The following SUPT3H variants were observed in gnomAD, a reference collection of about 807,000 sequenced individuals.
SUPT3H encodes the protein SPT3 homolog, SAGA and STAGA complex component.
A neutral mutation model predicts 44.3 loss-of-function variants in SUPT3H; 44 were observed. The ratio of observed to expected loss-of-function variants is 0.99; its 90% confidence interval spans 0.78 to 1.28. The LOEUF (loss-of-function observed/expected upper bound fraction) is 1.28. SUPT3H is among the 50% of genes most tolerant of loss of function. The probability of loss-of-function intolerance (pLI) is 0.00; values close to 1 mark genes in which losing one functional copy is unlikely to be tolerated. For missense variants in SUPT3H, 380 were observed against 387.1 expected, an observed-to-expected ratio of 0.98 and a Z score of 0.15; for synonymous variants, 124 against 125.6, an observed-to-expected ratio of 0.99 and a Z score of 0.09.
At chr6:44,997,672 G>A (rs1363427754) in intron 6 of SUPT3H, among the ~76,000 whole-genome samples, 1 of 151,828 alleles carries the variant, frequency 6.6e-6, no homozygotes, top group Non-Finnish European at 1.5e-5. Flanking sequence ...GCACTGCCTA[G>A]TGCTCCTTGA....
chr6:45,313,820 C>T (rs1784326282), intron 2 of SUPT3H, among the ~76,000 whole-genome samples: 1 of 151,982 alleles, frequency 6.6e-6, no homozygotes, highest in African/African-American at 2.4e-5. Flanking sequence ...AATAACAAAA[C>T]CAGGGAAGGA....
chr6:45,008,137 A>G (rs1187325359), intron 5 of SUPT3H, among the ~76,000 whole-genome samples: 1 of 151,966 alleles, frequency 6.6e-6, no homozygotes, highest in Non-Finnish European at 1.5e-5. Context: ...TGCTGCTAAC[A>G]CTCATGTACA....
At position 45,346,320 on chromosome 6, in the gene SUPT3H, A is replaced by G. The variant is rs1224357972; in HGVS notation, c.101+18881T>C. Among the ~76,000 whole-genome samples, 39 of 152,110 alleles carry G rather than the reference A, an allele frequency of 2.6e-4. 1 individual carries two copies. Among genetic ancestry groups the G allele is most frequent in the Non-Finnish European group, 4.4e-5 (3 of 68,014 alleles). On this transcript the variant is annotated intron_variant, in intron 2 of 10. Coordinates refer to ENST00000371459, the MANE Select transcript of SUPT3H (RefSeq NM_003599.4). ...ATGCTATGAGAAAGCCCAATAAATA[A>G]AATAGATTTTTAAAGGAGTCTACAG...
chr6:45,307,658 A>G lies in SUPT3H; in HGVS notation c.101+57543T>C, dbSNP rs1269357052. Among the ~76,000 whole-genome samples the G allele has an allele frequency of 2.6e-5, 4 of 152,222 alleles. No individual in the cohort carries two copies. In the South Asian group the frequency reaches 6.2e-4, roughly 24 times the overall value. On this transcript the variant is annotated intron_variant, in intron 2 of 10. Coordinates refer to ENST00000371459, the MANE Select transcript of SUPT3H (RefSeq NM_003599.4). ...AAGACCAAAGGTAGATAAAAAAGAC[A>G]AAGATGGGGAAAAAGCAGAACAGAA...
chr6:45,360,942 G>C (rs1581898755), intron 2 of SUPT3H, among the ~76,000 whole-genome samples: 1 of 152,072 alleles, frequency 6.6e-6, no homozygotes. Context: ...TATGCCTCTT[G>C]AAGGCATTCA....
chr6:45,372,668 T>A (rs997985259), intron 1 of SUPT3H, among the ~76,000 whole-genome samples: 1 of 152,124 alleles, frequency 6.6e-6, no homozygotes, highest in African/African-American at 2.4e-5. Flanking sequence ...AGAGTACTAT[T>A]TTCTTTTTGA....
chr6:44,989,609 TC>T (rs1383762426), intron 6 of SUPT3H, among the ~76,000 whole-genome samples: 5 of 152,112 alleles, frequency 3.3e-5, no homozygotes, highest in Non-Finnish European at 5.9e-5. Flanking sequence ...GTACCAAACT[TC>T]CTTTCCCACA....
intron 2 of SUPT3H, among the ~76,000 whole-genome samples, chr6:45,307,224 C>A (rs1783175987): frequency 6.6e-6 from 1 of 152,224 alleles, no homozygotes; most frequent in Non-Finnish European, 1.5e-5. Flanking sequence ...GCAGCAGAAA[C>A]CTCTGCAGAC....
rs190416418 is a variant in SUPT3H at position 44,933,389 on chromosome 6, C to T, written c.802-626G>A. ...ATACAAAAAAGATAAGGATTATTTG[C>T]GATGAGAGTGTGAATACAAACTTAA... On this transcript the variant is annotated intron_variant, in intron 9 of 10. Transcript: ENST00000371459. Among the ~76,000 whole-genome samples the T allele has an allele frequency of 8.5e-5, 13 of 152,106 alleles. No individual in the cohort carries two copies. In the East Asian group the frequency reaches 2.5e-3, roughly 29 times the overall value.
intron 2 of SUPT3H, among the ~76,000 whole-genome samples, chr6:45,272,712 T>A (rs534512071): frequency 5.8e-4 from 88 of 152,306 alleles, no homozygotes; most frequent in African/African-American, 1.9e-3. Context: ...AGGAGTACCG[T>A]CCTGGTGGAG....
chr6:45,094,342 G>A lies in SUPT3H; in HGVS notation c.186+11580C>T, dbSNP rs1466699711. Reference sequence around the variant, plus strand: ...GCAAGAAAAGAAACACAAATTGAAAGGTGAGAAGATGCTATTTTATATCTA... The same window carrying A: ...GCAAGAAAAGAAACACAAATTGAAAAGTGAGAAGATGCTATTTTATATCTA... On this transcript the variant is annotated intron_variant, in intron 3 of 10. Coordinates refer to ENST00000371459, the MANE Select transcript of SUPT3H (RefSeq NM_003599.4). Among the ~76,000 whole-genome samples, 4 of 152,004 alleles carry A rather than the reference G, an allele frequency of 2.6e-5. No homozygotes were observed. The East Asian group carries it at 7.7e-4, about 29-fold the overall frequency.
At chr6:45,101,029 C>A (rs1436427646) in intron 3 of SUPT3H, among the ~76,000 whole-genome samples, 2 of 152,166 alleles carry the variant, frequency 1.3e-5, no homozygotes, top group Non-Finnish European at 2.9e-5. Flanking sequence ...GAAGGGAATT[C>A]TGTCATTTGT....
At chr6:45,311,563 A>G (rs1783951625) in intron 2 of SUPT3H, among the ~76,000 whole-genome samples, 1 of 152,196 alleles carries the variant, frequency 6.6e-6, no homozygotes. Context: ...GCTGTTAGAC[A>G]AAAGTACCAG....
chr6:45,039,844 G>GC (rs1171548730), intron 3 of SUPT3H, among the ~76,000 whole-genome samples: 31 of 14,204 alleles, frequency 2.2e-3, no homozygotes, highest in African/African-American at 0.014. Context: ...CCTAATCACA[G>GC]CAAAAAAAAA....
intron 2 of SUPT3H, among the ~76,000 whole-genome samples, chr6:45,236,261 C>T (rs1430435998): frequency 6.6e-6 from 1 of 152,094 alleles, no homozygotes; most frequent in Non-Finnish European, 1.5e-5. Flanking sequence ...GGGGCTCAAA[C>T]CCAGGTCGAA....
At chr6:45,168,777 A>G (rs1810325378) in intron 2 of SUPT3H, among the ~76,000 whole-genome samples, 2 of 152,208 alleles carry the variant, frequency 1.3e-5, no homozygotes, top group Non-Finnish European at 2.9e-5. Context: ...CGCACCTGGC[A>G]TAGTATGGGA....
chr6:45,366,084 A>G (rs943447378), intron 1 of SUPT3H, among the ~76,000 whole-genome samples: 1 of 152,200 alleles, frequency 6.6e-6, no homozygotes, highest in Non-Finnish European at 1.5e-5. Context: ...ACCCTCATCT[A>G]TTACACTATT....
chr6:45,268,079 C>T (rs983001427), intron 2 of SUPT3H, among the ~76,000 whole-genome samples: 26 of 152,060 alleles, frequency 1.7e-4, no homozygotes, highest in African/African-American at 6.3e-4. Context: ...GAATGAAAGG[C>T]CTTGATATTC....
intron 10 of SUPT3H, among the ~76,000 whole-genome samples, chr6:44,870,765 G>T (rs581852): frequency 6.7e-6 from 1 of 148,910 alleles, no homozygotes; most frequent in Non-Finnish European, 1.5e-5. Context: ...GAGTGCCAGA[G>T]AGTGGGCGCA....
Sources: gnomAD v4.1 joint callset for allele counts (sites outside exome capture counted in the v4.1 genomes callset) on GRCh38, gnomAD v4.1.1 for gene constraint, MANE v1.5 for transcripts, NCBI Gene and HGNC (gene_info 2026-07-23, HGNC 2026-07-21) for gene names.